The following SYNE2 variants were observed in gnomAD, a reference collection of about 807,000 sequenced individuals.
SYNE2 encodes the protein nesprin-2.
Under a neutral mutation model 856.3 loss-of-function variants are expected in SYNE2, and 431 were observed. The observed-to-expected ratio is 0.50, with a 90% CI of 0.47 to 0.55. SYNE2 has a LOEUF of 0.55. Ranked by LOEUF, SYNE2 falls within the 20% of genes least tolerant of loss-of-function variation. SYNE2 has a pLI of 0.00. For synonymous variants in SYNE2, 2,923 were observed against 2,872.3 expected (o/e 1.02, Z -0.56); for missense variants, 8,129 against 8,023.2 (o/e 1.01, Z -0.50).
At chr14:63,871,396 CG>C (rs1480285596) in intron 1 of SYNE2, among the ~76,000 whole-genome samples, 14 of 151,696 alleles carry the variant, frequency 9.2e-5, no homozygotes, top group Non-Finnish European at 1.6e-4. Flanking sequence ...TTAGTAGAGA[CG>C]GGGTTTCTCC....
chr14:63,817,214 CTT>C (rs892382883), intron 1 of SYNE2, among the ~76,000 whole-genome samples: 7 of 152,134 alleles, frequency 4.6e-5, no homozygotes, highest in Admixed American at 2.0e-4. Flanking sequence ...AATCCCAGCA[CTT>C]TAGGAGTCCG....
chr14:63,806,746 CTTTT>C (rs1429055961), intron 1 of SYNE2, among the ~76,000 whole-genome samples: 2 of 151,406 alleles, frequency 1.3e-5, no homozygotes, highest in Non-Finnish European at 2.9e-5. Context: ...TTCCGAAGTT[CTTTT>C]GTTTTTCGTA....
chr14:63,813,775 C>T (rs540754069), intron 1 of SYNE2, among the ~76,000 whole-genome samples: 5 of 150,312 alleles, frequency 3.3e-5, no homozygotes, highest in East Asian at 2.0e-4. Flanking sequence ...AGTATTAGAC[C>T]GGGTGTGGTG....
At chr14:64,003,385 C>T in intron 30 of SYNE2, 55 bp downstream of exon 30, 1 of 1,607,794 alleles carries the variant, frequency 6.2e-7, no homozygotes, top group South Asian at 1.1e-5. Context: ...TCTGTATTTT[C>T]ACTTCTGTTA....
intron 2 of SYNE2, among the ~76,000 whole-genome samples, chr14:63,939,860 T>C (rs1200408858): frequency 6.6e-6 from 1 of 152,178 alleles, no homozygotes; most frequent in Non-Finnish European, 1.5e-5. Flanking sequence ...TACAGCCCAT[T>C]TACAGTTAAT....
chr14:63,936,005 G>C (rs1443744026), intron 2 of SYNE2, among the ~76,000 whole-genome samples: 1 of 152,146 alleles, frequency 6.6e-6, no homozygotes, highest in Non-Finnish European at 1.5e-5. Flanking sequence ...CTCCTGAGTA[G>C]CTGGGATTAC....
chr14:63,983,355 G>A (rs1201523874), intron 17 of SYNE2, among the ~76,000 whole-genome samples: 1 of 152,132 alleles, frequency 6.6e-6, no homozygotes. Flanking sequence ...TCTTTCTTGA[G>A]TATATGCCTG....
chr14:63,825,138 A>T (rs150527626), intron 1 of SYNE2, among the ~76,000 whole-genome samples: 4 of 152,284 alleles, frequency 2.6e-5, no homozygotes, highest in African/African-American at 9.6e-5. Flanking sequence ...TTATTAACTG[A>T]TAAAGGACAT....
chr14:64,185,745 T>C (rs1246890967), intron 96 of SYNE2, among the ~76,000 whole-genome samples: 1 of 152,182 alleles, frequency 6.6e-6, no homozygotes, highest in East Asian at 1.9e-4. Flanking sequence ...GGTCTTGAAC[T>C]CCTGACCTCA....
intron 57 of SYNE2, among the ~76,000 whole-genome samples, chr14:64,082,658 T>C (rs1048515089): frequency 1.4e-4 from 21 of 152,210 alleles, no homozygotes; most frequent in African/African-American, 5.1e-4. Flanking sequence ...GACTGCATCC[T>C]TGTGGCTCCC....
At chr14:64,132,572 A>G in intron 77 of SYNE2, 134 bp downstream of exon 77, 3 of 1,211,518 alleles carry the variant, frequency 2.5e-6, no homozygotes, top group Non-Finnish European at 3.6e-6. Context: ...AGGAATGTGG[A>G]CCCCTGCTCA....
intron 57 of SYNE2, among the ~76,000 whole-genome samples, chr14:64,083,370 CTT>C (rs767380961): frequency 7.0e-6 from 1 of 142,150 alleles, no homozygotes; most frequent in Admixed American, 7.1e-5. Flanking sequence ...AGGAATGATG[CTT>C]TTTTTTTTTC....
At chr14:64,220,685 C>A in intron 111 of SYNE2, 48 bp downstream of exon 111, 1 of 1,598,410 alleles carries the variant, frequency 6.3e-7, no homozygotes, top group East Asian at 2.2e-5. Context: ...CCCAGGCCCA[C>A]GTGGTAGGAG....
intron 107 of SYNE2, chr14:64,216,014 C>G: frequency 6.9e-7 from 1 of 1,447,454 alleles, no homozygotes. Context: ...GCCACTCATC[C>G]CACAGCAAAT....
At chr14:64,058,902 A>G (rs2097294896) in intron 49 of SYNE2, among the ~76,000 whole-genome samples, 1 of 151,702 alleles carries the variant, frequency 6.6e-6, no homozygotes, top group Non-Finnish European at 1.5e-5. Context: ...GCTTGTCTTC[A>G]AGCTTAGTAA....
At chr14:63,840,062 A>G (rs1280375353) in intron 1 of SYNE2, among the ~76,000 whole-genome samples, 1 of 152,204 alleles carries the variant, frequency 6.6e-6, no homozygotes, top group East Asian at 1.9e-4. Context: ...CGAGTTCAGG[A>G]GTTCAAGACC....
At chr14:63,994,919 A>C (rs2096701002) in intron 22 of SYNE2, 125 bp from the exon 23 acceptor site, 2 of 604,690 alleles carry the variant, frequency 3.3e-6, no homozygotes, top group Admixed American at 6.8e-5. Context: ...ACATGGATGA[A>C]TCAGAATGGC....
intron 1 of SYNE2, among the ~76,000 whole-genome samples, chr14:63,862,251 A>G (rs1296760000): frequency 6.6e-6 from 1 of 152,226 alleles, no homozygotes; most frequent in African/African-American, 2.4e-5. Flanking sequence ...ACATGTACAT[A>G]TATTCGTATT....
At chr14:63,933,916 G>A (rs907360838) in intron 2 of SYNE2, among the ~76,000 whole-genome samples, 1 of 152,212 alleles carries the variant, frequency 6.6e-6, no homozygotes, top group Non-Finnish European at 1.5e-5. Context: ...GCCATAGGGT[G>A]AGCTATTTGG....
Sources: gnomAD v4.1 joint callset for allele counts (sites outside exome capture counted in the v4.1 genomes callset) on GRCh38, gnomAD v4.1.1 for gene constraint, MANE v1.5 for transcripts, NCBI Gene and HGNC (gene_info 2026-07-23, HGNC 2026-07-21) for gene names.